The following ARHGEF3 variants were observed in gnomAD, a reference collection of about 807,000 sequenced individuals.
ARHGEF3 encodes Rho guanine nucleotide exchange factor 3.
In ARHGEF3, 28 loss-of-function variants were observed where a neutral mutation model predicts 63.2. That is an observed-to-expected ratio of 0.44 (90% confidence interval 0.33 to 0.61). ARHGEF3 has a LOEUF of 0.61. ARHGEF3 is among the 20% of genes least tolerant of loss of function. ARHGEF3 has a pLI of 0.03. For missense variants in ARHGEF3, 533 were observed against 659.3 expected (o/e 0.81, Z 2.10); for synonymous variants, 266 against 254.2 (o/e 1.05, Z -0.44).
intron 1 of ARHGEF3, chr3:57,035,179 T>A: frequency 6.8e-7 from 1 of 1,479,544 alleles, no homozygotes; most frequent in Non-Finnish European, 9.0e-7. Context: ...CAGGTCTCCT[T>A]TTTTAAAAAG....
At chr3:56,865,394 G>A (rs746382974) in intron 4 of ARHGEF3, among the ~76,000 whole-genome samples, 1 of 152,154 alleles carries the variant, frequency 6.6e-6, no homozygotes, top group African/African-American at 2.4e-5. Flanking sequence ...CATCAGAAAC[G>A]TGCTTATGAT....
At chr3:56,993,534 C>T (rs987216022) in intron 2 of ARHGEF3, among the ~76,000 whole-genome samples, 9 of 151,694 alleles carry the variant, frequency 5.9e-5, no homozygotes, top group African/African-American at 1.9e-4. Context: ...TCCACGATGG[C>T]CAGCTAATTT....
chr3:56,825,247 A>G (rs1240444184), intron 4 of ARHGEF3, among the ~76,000 whole-genome samples: 1 of 152,288 alleles, frequency 6.6e-6, no homozygotes. Context: ...GGCACAGCCA[A>G]CAAAGTAGCC....
At chr3:56,905,395 A>G (rs575210952) in intron 3 of ARHGEF3, among the ~76,000 whole-genome samples, 1 of 152,250 alleles carries the variant, frequency 6.6e-6, no homozygotes, top group Non-Finnish European at 1.5e-5. Flanking sequence ...TATTTGGGAA[A>G]GCCTTCCATG....
chr3:56,782,100 T>C (rs539155226), intron 1 of ARHGEF3, among the ~76,000 whole-genome samples: 2 of 152,348 alleles, frequency 1.3e-5, no homozygotes, highest in South Asian at 4.1e-4. Flanking sequence ...CTTATTTTTT[T>C]GGAAATAGAA....
intron 2 of ARHGEF3, among the ~76,000 whole-genome samples, chr3:56,976,042 T>G (rs949011014): frequency 5.9e-5 from 9 of 152,126 alleles, no homozygotes; most frequent in Non-Finnish European, 1.0e-4. Flanking sequence ...TTAGAAGGTG[T>G]TTTTTGTTGT....
intron 3 of ARHGEF3, among the ~76,000 whole-genome samples, chr3:56,909,930 A>C (rs1452892674): frequency 6.6e-6 from 1 of 152,214 alleles, no homozygotes; most frequent in African/African-American, 2.4e-5. Flanking sequence ...CTGAGCCTAC[A>C]TCTTACGAGA....
At chr3:56,821,328 A>C (rs2038486442) in intron 4 of ARHGEF3, among the ~76,000 whole-genome samples, 2 of 152,210 alleles carry the variant, frequency 1.3e-5, no homozygotes, top group Admixed American at 1.3e-4. Context: ...GATGATGGTG[A>C]CCAGGTGCTA....
intron 1 of ARHGEF3, chr3:57,073,657 C>T: frequency 6.3e-7 from 1 of 1,581,970 alleles, no homozygotes; most frequent in Non-Finnish European, 8.6e-7. Context: ...GTGCCCCAGC[C>T]TCCTTTTCTG....
At chr3:57,074,581 A>C in intron 1 of ARHGEF3, 1 of 305,582 alleles carries the variant, frequency 3.3e-6, no homozygotes, top group Admixed American at 4.7e-5. Context: ...CGATCAATCA[A>C]TGAAAGAGTG....
At chr3:57,014,675 G>A (rs1043824849) in intron 2 of ARHGEF3, among the ~76,000 whole-genome samples, 1 of 138,296 alleles carries the variant, frequency 7.2e-6, no homozygotes, top group Non-Finnish European at 1.6e-5. Flanking sequence ...TATTTATAAA[G>A]CTTGTTAACT....
intron 1 of ARHGEF3, among the ~76,000 whole-genome samples, chr3:57,066,158 G>C (rs1473493530): frequency 6.6e-6 from 1 of 152,122 alleles, no homozygotes; most frequent in Non-Finnish European, 1.5e-5. Context: ...AGAGAACAAG[G>C]GAGGGACTTA....
chr3:57,058,037 T>TA (rs748991796), intron 1 of ARHGEF3, among the ~76,000 whole-genome samples: 1 of 152,224 alleles, frequency 6.6e-6, no homozygotes, highest in Non-Finnish European at 1.5e-5. Flanking sequence ...GACTGGGCTT[T>TA]AACCCTTCAG....
chr3:56,772,462 C>G (rs149998892), intron 2 of ARHGEF3, among the ~76,000 whole-genome samples: 177 of 152,276 alleles, frequency 1.2e-3, no homozygotes, highest in Non-Finnish European at 2.0e-3. Context: ...AGCAGAGATA[C>G]AAAATATTGC....
intron 4 of ARHGEF3, among the ~76,000 whole-genome samples, chr3:56,823,420 T>C (rs150942817): frequency 9.7e-4 from 148 of 152,200 alleles, no homozygotes; most frequent in African/African-American, 3.4e-3. Flanking sequence ...TAACTGCATC[T>C]ACCAGACTGC....
chr3:56,778,389 C>CA lies in ARHGEF3; in HGVS notation c.97-4574_97-4573insT, dbSNP rs201733399. Among the ~76,000 whole-genome samples, 1,440 of 152,318 alleles carry CA rather than the reference C, an allele frequency of 9.5e-3. 27 individuals are homozygous for CA. The highest frequency in any genetic ancestry group is 0.033 in the African/African-American group (1,353 of 41,570). ...ATGCCCTACCCCAGGGCCTGGCTAA[C>CA]TTTTTCTGTAAGGGGCTACCCAGCC... On this transcript the variant is annotated intron_variant, in intron 1 of 9. Transcript: ENST00000296315.
At chr3:57,052,797 T>G (rs1704730797) in intron 1 of ARHGEF3, among the ~76,000 whole-genome samples, 1 of 152,124 alleles carries the variant, frequency 6.6e-6, no homozygotes, top group African/African-American at 2.4e-5. Context: ...GTCCTTCTCC[T>G]GTCAGAAGGA....
intron 2 of ARHGEF3, among the ~76,000 whole-genome samples, chr3:57,029,502 C>T (rs1246166650): frequency 6.6e-6 from 1 of 152,122 alleles, no homozygotes; most frequent in African/African-American, 2.4e-5. Flanking sequence ...GCTCAAAGAC[C>T]CAATCCAGCA....
chr3:56,747,958 T>G (rs148519520), intron 6 of ARHGEF3, among the ~76,000 whole-genome samples: 69 of 152,306 alleles, frequency 4.5e-4, no homozygotes, highest in African/African-American at 1.6e-3. Context: ...CTTAATGAGG[T>G]AAAGCATACA....
Sources: gnomAD v4.1 joint callset for allele counts (sites outside exome capture counted in the v4.1 genomes callset) on GRCh38, gnomAD v4.1.1 for gene constraint, MANE v1.5 for transcripts, NCBI Gene and HGNC (gene_info 2026-07-23, HGNC 2026-07-21) for gene names.